The following KCNK2 variants were observed in gnomAD, a reference collection of about 807,000 sequenced individuals.
KCNK2 encodes potassium two pore domain channel subfamily K member 2, also known as potassium channel subfamily K member 2.
KCNK2 carries 21 observed loss-of-function variants against 40.5 expected under a neutral mutation model. That is an observed-to-expected ratio of 0.52 (90% CI 0.37 to 0.75). The LOEUF (loss-of-function observed/expected upper bound fraction) is 0.75, where lower values mean the gene tolerates loss of function less well. KCNK2 is among the 30% of genes least tolerant of loss of function. The pLI is 0.00. For missense variants in KCNK2, 399 were observed against 531.6 expected (o/e 0.75, Z 2.45); for synonymous variants, 191 against 202.2 (o/e 0.94, Z 0.47).
intron 6 of KCNK2, among the ~76,000 whole-genome samples, chr1:215,214,842 T>G (rs1189112028): frequency 6.6e-6 from 1 of 151,746 alleles, no homozygotes; most frequent in Non-Finnish European, 1.5e-5. Flanking sequence ...AATAAAAAAT[T>G]GAAAAACCAA....
chr1:215,105,155 A>G (rs955082748), intron 2 of KCNK2, among the ~76,000 whole-genome samples: 1 of 152,136 alleles, frequency 6.6e-6, no homozygotes, highest in Non-Finnish European at 1.5e-5. Flanking sequence ...ACCATTGACT[A>G]TCTGCACAGC....
In KCNK2 at chr1:215,086,688, T is replaced by C; in HGVS notation, c.357+10T>C. 6.2e-7 allele frequency: 1 copy of C among 1,606,998 alleles called. No individual in the cohort carries two copies. The highest frequency in any genetic ancestry group is 8.5e-7 in the Non-Finnish European group (1 of 1,175,022). On this transcript the variant is annotated intron_variant, in intron 2 of 6. Coordinates refer to ENST00000444842, the MANE Select transcript of KCNK2 (RefSeq NM_001017425.3). ...GGATGAACTCATTCAGGTAATGGCATGGGAGGAGTTGTTACTCTGTTCCCC... is the reference window on the plus strand; with the variant it reads ...GGATGAACTCATTCAGGTAATGGCACGGGAGGAGTTGTTACTCTGTTCCCC...
chr1:215,024,295 G>A (rs1234838446), intron 1 of KCNK2, among the ~76,000 whole-genome samples: 1 of 152,162 alleles, frequency 6.6e-6, no homozygotes, highest in African/African-American at 2.4e-5. Context: ...CTTGCAGGCT[G>A]GAGCCAAGCC....
chr1:215,067,072 G>T (rs796953391), intron 1 of KCNK2, among the ~76,000 whole-genome samples: 1 of 152,064 alleles, frequency 6.6e-6, no homozygotes, highest in African/African-American at 2.4e-5. Context: ...AACGAACGGG[G>T]TGGGCTGGGC....
intron 6 of KCNK2, among the ~76,000 whole-genome samples, chr1:215,205,968 G>A (rs555806905): frequency 2.4e-4 from 37 of 152,278 alleles, no homozygotes; most frequent in African/African-American, 8.7e-4. Flanking sequence ...AGGCTTAGGT[G>A]TATTATCTAC....
intron 2 of KCNK2, among the ~76,000 whole-genome samples, chr1:215,116,624 C>G (rs148178241): frequency 1.1e-3 from 161 of 152,150 alleles, no homozygotes; most frequent in African/African-American, 3.6e-3. Flanking sequence ...ATTGCATAAT[C>G]CCCAAATGGA....
chr1:215,122,990 C>T (rs923552346), intron 2 of KCNK2, among the ~76,000 whole-genome samples: 3 of 151,742 alleles, frequency 2.0e-5, no homozygotes, highest in Non-Finnish European at 2.9e-5. Context: ...GTGATCCACC[C>T]GCCTCGGCCT....
chr1:215,096,315 A>T (rs1012475828), intron 2 of KCNK2, among the ~76,000 whole-genome samples: 1 of 151,810 alleles, frequency 6.6e-6, no homozygotes, highest in Non-Finnish European at 1.5e-5. Context: ...TTAGGGGATG[A>T]TTTAGTAACA....
At chr1:215,053,764 C>T (rs528105550) in intron 1 of KCNK2, among the ~76,000 whole-genome samples, 6 of 152,264 alleles carry the variant, frequency 3.9e-5, no homozygotes, top group Admixed American at 2.6e-4. Context: ...GCCAGGAGTT[C>T]GAGACCAGCC....
rs533944882 is a variant in KCNK2, at chr1:215,083,225, C to G, written c.-161C>G. 2.4e-4 allele frequency: 376 copies of G among 1,589,938 alleles called. No homozygotes were observed. Among genetic ancestry groups the G allele is most frequent in the Admixed American group, 8.3e-4 (49 of 58,814 alleles). On this transcript the variant is annotated 5_prime_UTR_variant, in exon 1 of 7. Transcript: ENST00000444842. ...CCCCGCCCCCTCCCGCGTCCAGCCC[C>G]GCTCTCCCCACCTTGTAAAACAAAG...
chr1:215,040,667 T>G (rs1216151497), intron 1 of KCNK2, among the ~76,000 whole-genome samples: 1 of 152,132 alleles, frequency 6.6e-6, no homozygotes, highest in African/African-American at 2.4e-5. Context: ...TAGTAGGAAG[T>G]GCTTTGTGGG....
chr1:215,088,654 C>T (rs74143653), intron 2 of KCNK2, among the ~76,000 whole-genome samples: 7,517 of 151,864 alleles, frequency 0.049, 601 homozygotes, highest in African/African-American at 0.17. Flanking sequence ...ATGGTCTCAC[C>T]GTCCAGTATT....
chr1:215,088,441 G>T (rs757195967), intron 2 of KCNK2, among the ~76,000 whole-genome samples: 1 of 152,006 alleles, frequency 6.6e-6, no homozygotes, highest in African/African-American at 2.4e-5. Context: ...AAAGTGTTTC[G>T]GTGCTCAGAA....
intron 6 of KCNK2, among the ~76,000 whole-genome samples, chr1:215,217,782 A>G (rs1055717667): frequency 6.6e-6 from 1 of 152,166 alleles, no homozygotes; most frequent in African/African-American, 2.4e-5. Context: ...GTCTGTTTTA[A>G]TTATTATGAT....
At chr1:215,199,627 G>T (rs148490875) in intron 6 of KCNK2, among the ~76,000 whole-genome samples, 5 of 152,288 alleles carry the variant, frequency 3.3e-5, no homozygotes, top group Non-Finnish European at 7.4e-5. Flanking sequence ...GTAGGCACAT[G>T]TTTAACAGAA....
chr1:215,111,174 G>A (rs1660667735), intron 2 of KCNK2, among the ~76,000 whole-genome samples: 1 of 152,002 alleles, frequency 6.6e-6, no homozygotes, highest in South Asian at 2.1e-4. Context: ...TGAGAGCAGA[G>A]GTAATTTCGT....
At chr1:215,015,569 C>T (rs1231779161) in intron 1 of KCNK2, among the ~76,000 whole-genome samples, 1 of 152,064 alleles carries the variant, frequency 6.6e-6, no homozygotes, top group Non-Finnish European at 1.5e-5. Flanking sequence ...AGCAGGTGGA[C>T]ATTTTTTCTT....
At chr1:215,022,277 T>A (rs1383965142) in intron 1 of KCNK2, among the ~76,000 whole-genome samples, 1 of 152,186 alleles carries the variant, frequency 6.6e-6, no homozygotes, top group Non-Finnish European at 1.5e-5. Context: ...TCTTCTGGGT[T>A]CTAGAACTTT....
Position 215,124,735 on chromosome 1 carries a change from G to A in KCNK2, c.460G>A (p.Val154Ile), listed in dbSNP as rs1361951936. The part of the protein sequence containing the change: ...LGSSFFFAGT[V>I]ITTIGFGNIS... ...AAGTTCCTTCTTCTTTGCTGGCACT[G>A]TTATTACAACCATAGGTAGGAGACA... The change falls in exon 3 of 7, where the codon GTT (valine) becomes ATT (isoleucine). Residue 154 changes from valine to isoleucine, a missense_variant. Coordinates refer to ENST00000444842, the MANE Select transcript of KCNK2 (RefSeq NM_001017425.3). 6.3e-7 allele frequency: 1 copy of A among 1,595,672 alleles called. No individual in the cohort carries two copies. The highest frequency in any genetic ancestry group is 1.7e-5 in the Admixed American group (1 of 59,982).
Sources: allele counts gnomAD v4.1 joint callset (sites outside exome capture counted in the v4.1 genomes callset), GRCh38; gene constraint gnomAD v4.1.1; transcripts MANE v1.5; gene names NCBI Gene and HGNC (gene_info 2026-07-23, HGNC 2026-07-21).